SEL1L: variants seen among roughly 807,000 people sequenced by gnomAD.
SEL1L encodes protein sel-1 homolog 1.
SEL1L carries 52 observed loss-of-function variants against 109.8 expected under a neutral mutation model. The observed-to-expected ratio is 0.47, with a 90% CI of 0.38 to 0.60. SEL1L has a LOEUF of 0.60. Among genes scored for constraint, SEL1L ranks in the 20% least tolerant of loss-of-function variants. The pLI is 0.00. For synonymous variants in SEL1L, 373 were observed against 339.6 expected (o/e 1.10, Z -1.08); for missense variants, 749 against 962.2 (o/e 0.78, Z 2.93).
At chr14:81,533,628 G>T in intron 1 of SEL1L, 47 bp downstream of exon 1, 1 of 1,578,908 alleles carries the variant, frequency 6.3e-7, no homozygotes, top group South Asian at 1.1e-5. Flanking sequence ...TGTAGAGGCT[G>T]GGGGGCGGAG....
intron 20 of SEL1L, among the ~76,000 whole-genome samples, chr14:81,477,578 C>T (rs1402954012): frequency 6.6e-6 from 1 of 152,074 alleles, no homozygotes; most frequent in Non-Finnish European, 1.5e-5. Context: ...TTTGGGAGGC[C>T]GAGGTGAGTG....
intron 12 of SEL1L, 58 bp from the exon 13 acceptor site, chr14:81,490,523 T>C (rs1595508376): frequency 7.7e-7 from 1 of 1,304,886 alleles, no homozygotes. Context: ...ATTACATTTT[T>C]CTCCTTTCTC....
chr14:81,484,435 A>C, intron 18 of SEL1L, 38 bp from the exon 19 acceptor site: 3 of 1,579,286 alleles, frequency 1.9e-6, no homozygotes, highest in Non-Finnish European at 2.6e-6. Context: ...CCAATAAATA[A>C]AGTATGTTTA....
intron 8 of SEL1L, 92 bp downstream of exon 8, chr14:81,499,367 C>A (rs1883906628): frequency 3.2e-6 from 5 of 1,544,244 alleles, no homozygotes; most frequent in Non-Finnish European, 4.3e-6. Flanking sequence ...ACAAGCAAAT[C>A]TGGATCATGA....
intron 10 of SEL1L, among the ~76,000 whole-genome samples, chr14:81,496,697 G>A (rs1883766720): frequency 6.6e-6 from 1 of 151,928 alleles, no homozygotes. Context: ...CTGAGATAGT[G>A]GCACTGGGCA....
intron 8 of SEL1L, 39 bp from the exon 9 acceptor site, chr14:81,498,533 G>A: frequency 1.4e-6 from 2 of 1,418,746 alleles, no homozygotes; most frequent in Non-Finnish European, 2.0e-6. Flanking sequence ...GCAGTTTCAT[G>A]TACTTCAGTG....
At chr14:81,498,620 A>T in intron 8 of SEL1L, 126 bp from the exon 9 acceptor site, 3 of 654,200 alleles carry the variant, frequency 4.6e-6, no homozygotes, top group Middle Eastern at 5.1e-4. Context: ...CTAACACCTT[A>T]TTTATGCTAA....
chr14:81,521,942 T>C (rs1422696745), intron 3 of SEL1L, among the ~76,000 whole-genome samples: 9 of 152,338 alleles, frequency 5.9e-5, no homozygotes, highest in Middle Eastern at 3.4e-3. Flanking sequence ...GACAGTGATA[T>C]TGATGATCCT....
chr14:81,531,840 A>G (rs1032887901), intron 1 of SEL1L, among the ~76,000 whole-genome samples: 7 of 152,170 alleles, frequency 4.6e-5, no homozygotes, highest in African/African-American at 1.4e-4. Context: ...GGGCCCGCAC[A>G]GGTGTTTTAT....
chr14:81,507,165 A>G (rs1446144520), intron 3 of SEL1L, among the ~76,000 whole-genome samples: 1 of 152,242 alleles, frequency 6.6e-6, no homozygotes, highest in South Asian at 2.1e-4. Context: ...AAGACCTTAC[A>G]TGTCTTAAGG....
Position 81,475,485 on chromosome 14 carries a change from A to G in SEL1L, c.*1487T>C, listed in dbSNP as rs1352488452. 6.6e-6 allele frequency: 1 copy of G among 152,442 alleles called. No homozygotes were observed. Among genetic ancestry groups the G allele is most frequent in the African/African-American group, 2.4e-5 (1 of 41,464 alleles). 9.4% of individuals were successfully genotyped at this position (152,442 alleles called of 1,614,324 possible). A position where few individuals can be genotyped will look rare whatever the true frequency, so the allele number is the denominator to read the frequency against. On this transcript the variant is annotated 3_prime_UTR_variant, in exon 21 of 21. Coordinates refer to ENST00000336735, the MANE Select transcript of SEL1L (RefSeq NM_005065.6). ...TCAAAGCAGTACAACTCTACAAGCA[A>G]TAAACTTTTCAAGTTTTCTGGCAGA... is the stretch of plus-strand genomic sequence containing the variant.
intron 3 of SEL1L, among the ~76,000 whole-genome samples, chr14:81,518,761 T>G (rs1884802568): frequency 6.6e-6 from 1 of 151,926 alleles, no homozygotes; most frequent in African/African-American, 2.4e-5. Flanking sequence ...AAATGGGAAT[T>G]GTTTTAACTG....
chr14:81,472,599 T>C lies in SEL1L; in HGVS notation c.*4373A>G, dbSNP rs780294377. On this transcript the variant is annotated 3_prime_UTR_variant, in exon 21 of 21. Transcript: ENST00000336735. The stretch of plus-strand genomic sequence containing the variant: ...AAAATTCCTGGGACAAGGCAATGCA[T>C]AAACAAACTTTAGATAAATAATATT... The C allele has an allele frequency of 2.2e-6, 1 of 457,828 alleles. No homozygotes were observed. 28.4% of individuals were successfully genotyped at this position (457,828 alleles called of 1,614,324 possible).
At chr14:81,503,709 CTAA>C (rs1365825734) in intron 5 of SEL1L, among the ~76,000 whole-genome samples, 6 of 152,064 alleles carry the variant, frequency 3.9e-5, no homozygotes, top group Non-Finnish European at 8.8e-5. Context: ...AGTATACGAT[CTAA>C]TAATAACTGT....
In SEL1L at chr14:81,479,750, A is replaced by G; in HGVS notation, c.2047-10T>C. On this transcript the variant is annotated splice_polypyrimidine_tract_variant and intron_variant, in intron 19 of 20. Transcript: ENST00000336735. ...TCGCAAGGTGAATATCCTATAATAC[A>G]GGTAAGAAACAAAAATGCATTTCTT... 6.3e-7 allele frequency: 1 copy of G among 1,591,184 alleles called. No homozygotes were observed. Among genetic ancestry groups the G allele is most frequent in the South Asian group, 1.2e-5 (1 of 86,898 alleles).
At chr14:81,531,697 C>A (rs1487739181) in intron 1 of SEL1L, among the ~76,000 whole-genome samples, 3 of 151,994 alleles carry the variant, frequency 2.0e-5, no homozygotes, top group Non-Finnish European at 4.4e-5. Flanking sequence ...TGGAACTACA[C>A]GTGTGCACCA....
chr14:81,481,204 G>T (rs984516096), intron 19 of SEL1L, among the ~76,000 whole-genome samples: 1 of 152,156 alleles, frequency 6.6e-6, no homozygotes, highest in Non-Finnish European at 1.5e-5. Context: ...AATAGAATGG[G>T]ATGGTGGGAA....
chr14:81,503,930 AT>A (rs1884121485), intron 5 of SEL1L, among the ~76,000 whole-genome samples: 1 of 152,224 alleles, frequency 6.6e-6, no homozygotes, highest in African/African-American at 2.4e-5. Context: ...TAGTATATGC[AT>A]GCTTGGTTCT....
intron 20 of SEL1L, among the ~76,000 whole-genome samples, chr14:81,478,343 ACT>A (rs962545029): frequency 6.6e-6 from 1 of 151,726 alleles, no homozygotes; most frequent in Non-Finnish European, 1.5e-5. Flanking sequence ...TTAGTCTTAT[ACT>A]CTCTTTTTCT....
Sources: gnomAD v4.1 joint callset for allele counts (sites outside exome capture counted in the v4.1 genomes callset) on GRCh38, gnomAD v4.1.1 for gene constraint, MANE v1.5 for transcripts, NCBI Gene and HGNC (gene_info 2026-07-23, HGNC 2026-07-21) for gene names.